Variants in SEZ6L observed in about 807,000 individuals in gnomAD.
SEZ6L encodes seizure related 6 homolog like, also known as seizure 6-like protein.
In SEZ6L, 37 loss-of-function variants were observed where a neutral mutation model predicts 106.2. The ratio of observed to expected loss-of-function variants is 0.35; its 90% CI spans 0.27 to 0.46. The LOEUF (loss-of-function observed/expected upper bound fraction) is 0.46, where lower values mean the gene tolerates loss of function less well. Ranked by LOEUF, SEZ6L falls within the 20% of genes least tolerant of loss-of-function variation. The pLI, the probability that SEZ6L is intolerant of heterozygous loss-of-function variation, is 1.00. For synonymous variants in SEZ6L, 541 were observed against 570.4 expected (o/e 0.95, Z 0.73); for missense variants, 1,172 against 1,332.8 (o/e 0.88, Z 1.88).
rs943832672 is a variant in SEZ6L, at chr22:26,377,684, A to T, written c.2954A>T (p.Tyr985Phe). ...TTTCTTTCCCCCAGATGTCGCTACT[A>T]TTCCAACCTCCGCCTGCCTCTGATG... is the stretch of plus-strand genomic sequence containing the variant. ...AYIYITRCRY[Y>F]SNLRLPLMYS... Residue 985 changes from tyrosine (Y) to phenylalanine (F), a missense_variant, in exon 16 of 17, where the codon TAT becomes TTT. Coordinates refer to ENST00000248933, the MANE Select transcript of SEZ6L (RefSeq NM_021115.5). 2 of 1,613,476 alleles carry T rather than the reference A, an allele frequency of 1.2e-6. No homozygotes were observed. The highest frequency in any genetic ancestry group is 8.5e-7 in the Non-Finnish European group (1 of 1,179,588).
chr22:26,225,104 T>C (rs913477112), intron 1 of SEZ6L, among the ~76,000 whole-genome samples: 1 of 152,218 alleles, frequency 6.6e-6, no homozygotes, highest in African/African-American at 2.4e-5. Flanking sequence ...AAAAGATTTG[T>C]CCCAGCCATT....
chr22:26,373,361 GGGCTT>G lies in SEZ6L; in HGVS notation c.2795-89_2795-85del, dbSNP rs2084106298. On this transcript the variant is annotated intron_variant, in intron 13 of 16. Transcript: ENST00000248933. ...CACTAACTTCACCAAAGCATGGCATGGGCTTTTGCATCAAATTTTTTGGCCTCATT... is the reference window on the plus strand; with the variant it reads ...CACTAACTTCACCAAAGCATGGCATGTTGCATCAAATTTTTTGGCCTCATT... 1.4e-5 allele frequency: 15 copies of G among 1,101,150 alleles called. No homozygotes were observed. The South Asian group carries it at 2.1e-4, about 15-fold the overall frequency. 68.2% of individuals were successfully genotyped at this position (1,101,150 alleles called of 1,614,324 possible).
In SEZ6L at chr22:26,347,852, T is replaced by G; in HGVS notation, c.2346T>G (p.Ser782Arg). The G allele has an allele frequency of 6.2e-7, 1 of 1,600,244 alleles. No homozygotes were observed. The highest frequency in any genetic ancestry group is 8.5e-7 in the Non-Finnish European group (1 of 1,175,626). The change falls in exon 11 of 17, where the codon AGT becomes AGG. Residue 782 changes from serine to arginine, a missense_variant. Around this residue, in one of 4 missense-constraint regions of SEZ6L, gnomAD observed 534 missense variants for 691.0 expected, o/e 0.77. Coordinates refer to ENST00000248933, the MANE Select transcript of SEZ6L (RefSeq NM_021115.5). Reference sequence around the variant, plus strand: ...ACCCCGGCTATGACATCGTGGGGAGTGACACCCTCACCTGCCAGTGGGACC... The same window carrying G: ...ACCCCGGCTATGACATCGTGGGGAGGGACACCCTCACCTGCCAGTGGGACC... The part of the protein sequence containing the change: ...QCDPGYDIVG[S>R]DTLTCQWDLS...
chr22:26,275,397 T>A (rs2080510125), intron 1 of SEZ6L, among the ~76,000 whole-genome samples: 1 of 152,288 alleles, frequency 6.6e-6, no homozygotes, highest in South Asian at 2.1e-4. Context: ...GTAGGTTAGG[T>A]GTATTAAATG....
Position 26,380,247 on chromosome 22 carries a change from G to A in SEZ6L, c.3046-19G>A, listed in dbSNP as rs201287357. ...TACCACACAAGCGTTTGACAAATCC[G>A]TGCTTCTCTCTCTTGCAGGAAACCA... is the stretch of plus-strand genomic sequence containing the variant. On this transcript the variant is annotated intron_variant, in intron 16 of 16. Coordinates refer to ENST00000248933, the MANE Select transcript of SEZ6L (RefSeq NM_021115.5). 262 of 1,612,968 alleles carry A rather than the reference G, an allele frequency of 1.6e-4. No individual in the cohort carries two copies. The African/African-American group carries it at 3.0e-3, about 18-fold the overall frequency.
At chr22:26,377,608 G>A (rs532263504) in intron 15 of SEZ6L, 65 bp from the exon 16 acceptor site, 52 of 1,339,750 alleles carry the variant, frequency 3.9e-5, no homozygotes, top group South Asian at 2.5e-4. Context: ...AACTGTTCCC[G>A]TTCAATATTG....
intron 12 of SEZ6L, among the ~76,000 whole-genome samples, chr22:26,362,636 G>A (rs941921542): frequency 1.3e-5 from 2 of 152,176 alleles, no homozygotes; most frequent in African/African-American, 4.8e-5. Context: ...ACGCATTGCT[G>A]GGCATGAAGT....
chr22:26,196,547 G>A (rs1244474290), intron 1 of SEZ6L, among the ~76,000 whole-genome samples: 1 of 152,170 alleles, frequency 6.6e-6, no homozygotes, highest in Non-Finnish European at 1.5e-5. Flanking sequence ...AGCAAAATTT[G>A]GAGGCAACTT....
intron 13 of SEZ6L, among the ~76,000 whole-genome samples, chr22:26,370,353 C>G (rs1402263732): frequency 1.3e-5 from 2 of 151,960 alleles, no homozygotes; most frequent in African/African-American, 4.8e-5. Context: ...CCACTGCACT[C>G]CAGCCTGGGT....
At chr22:26,328,524 G>A (rs1038921817) in intron 9 of SEZ6L, among the ~76,000 whole-genome samples, 6 of 152,128 alleles carry the variant, frequency 3.9e-5, no homozygotes, top group Admixed American at 6.5e-5. Context: ...AAGGACAGCC[G>A]TCTTTGTAGG....
intron 1 of SEZ6L, among the ~76,000 whole-genome samples, chr22:26,252,766 G>C (rs1050237843): frequency 2.6e-5 from 4 of 152,202 alleles, no homozygotes; most frequent in African/African-American, 4.8e-5. Flanking sequence ...CTTTGTTTAT[G>C]GCTGCATAGT....
rs531268645 is a variant in SEZ6L at position 26,200,967 on chromosome 22, C to T, written c.94+31204C>T. Among the ~76,000 whole-genome samples the T allele has an allele frequency of 7.7e-4, 117 of 152,268 alleles. 2 individuals are homozygous for T. The South Asian group carries it at 0.024, about 31-fold the overall frequency. On this transcript the variant is annotated intron_variant, in intron 1 of 16. Transcript: ENST00000248933. The stretch of plus-strand genomic sequence containing the variant: ...AACCCCAACCAGTCAAAACCCCATG[C>T]AGAATCCCAGCCCAATCCAAAGACT...
intron 1 of SEZ6L, among the ~76,000 whole-genome samples, chr22:26,204,585 T>C (rs953137951): frequency 3.3e-5 from 5 of 152,244 alleles, no homozygotes; most frequent in African/African-American, 1.2e-4. Flanking sequence ...GAGCCTTTGT[T>C]CTTAACTACC....
intron 1 of SEZ6L, among the ~76,000 whole-genome samples, chr22:26,250,857 T>C (rs1171817563): frequency 6.6e-6 from 1 of 152,228 alleles, no homozygotes; most frequent in Non-Finnish European, 1.5e-5. Context: ...TAGCTTTCCT[T>C]ATAGAGGTCT....
At chr22:26,271,605 T>C (rs1361470937) in intron 1 of SEZ6L, among the ~76,000 whole-genome samples, 1 of 152,158 alleles carries the variant, frequency 6.6e-6, no homozygotes, top group Non-Finnish European at 1.5e-5. Flanking sequence ...TGAGATCTGG[T>C]TGTTTACAAG....
At chr22:26,308,420 T>G (rs1230731155) in intron 6 of SEZ6L, among the ~76,000 whole-genome samples, 3 of 150,670 alleles carry the variant, frequency 2.0e-5, no homozygotes, top group Admixed American at 1.3e-4. Flanking sequence ...GGATTTTGAA[T>G]GCCAGGCTAC....
intron 1 of SEZ6L, among the ~76,000 whole-genome samples, chr22:26,228,636 C>G (rs2078706001): frequency 6.6e-6 from 1 of 152,178 alleles, no homozygotes; most frequent in Non-Finnish European, 1.5e-5. Flanking sequence ...GATGGTGGAT[C>G]TAATCTAATA....
intron 2 of SEZ6L, among the ~76,000 whole-genome samples, chr22:26,294,016 G>A (rs1002256649): frequency 1.3e-5 from 2 of 152,250 alleles, no homozygotes; most frequent in South Asian, 2.1e-4. Flanking sequence ...CTCTAAACTG[G>A]GGATGAAATA....
intron 1 of SEZ6L, among the ~76,000 whole-genome samples, chr22:26,253,161 C>T (rs896221799): frequency 1.3e-5 from 2 of 152,160 alleles, no homozygotes; most frequent in African/African-American, 4.8e-5. Context: ...GTGGCTGGCC[C>T]AGAATCACAG....
Sources: gnomAD v4.1 joint callset for allele counts (sites outside exome capture counted in the v4.1 genomes callset) on GRCh38, gnomAD v4.1.1 for gene constraint, gnomAD v4.1.1 regional missense constraint, MANE v1.5 for transcripts, NCBI Gene and HGNC (gene_info 2026-07-23, HGNC 2026-07-21) for gene names.